Variants in HCN1 observed in about 807,000 individuals in gnomAD.
HCN1 encodes potassium/sodium hyperpolarization-activated cyclic nucleotide-gated channel 1.
In HCN1, 13 loss-of-function variants were observed where a neutral mutation model predicts 78.9. The ratio of observed to expected loss-of-function variants is 0.16; its 90% CI spans 0.11 to 0.26. The LOEUF (loss-of-function observed/expected upper bound fraction) is 0.26, where lower values mean the gene tolerates loss of function less well. Ranked by LOEUF, HCN1 falls within the 10% of genes least tolerant of loss-of-function variation. The pLI is 1.00. For synonymous variants in HCN1, 552 were observed against 455.5 expected, an observed-to-expected ratio of 1.21 and a Z score of -2.70; for missense variants, 810 against 1,154.3, an observed-to-expected ratio of 0.70 and a Z score of 4.32.
intron 4 of HCN1, among the ~76,000 whole-genome samples, chr5:45,364,397 G>A (rs1350435336): frequency 2.0e-5 from 3 of 151,182 alleles, no homozygotes; most frequent in Admixed American, 6.6e-5. Context: ...CACATCAAAC[G>A]CAAAATTGAA....
At chr5:45,531,125 A>G (rs895259670) in intron 2 of HCN1, among the ~76,000 whole-genome samples, 10 of 152,116 alleles carry the variant, frequency 6.6e-5, no homozygotes, top group African/African-American at 2.2e-4. Context: ...TCATGCTTAC[A>G]ATTGTATCAT....
At chr5:45,518,346 C>T (rs1429983969) in intron 2 of HCN1, among the ~76,000 whole-genome samples, 1 of 151,962 alleles carries the variant, frequency 6.6e-6, no homozygotes, top group Non-Finnish European at 1.5e-5. Flanking sequence ...AAACTCATGT[C>T]TCCATCAGTC....
At chr5:45,425,059 C>T (rs1740317579) in intron 3 of HCN1, among the ~76,000 whole-genome samples, 1 of 152,084 alleles carries the variant, frequency 6.6e-6, no homozygotes, top group Non-Finnish European at 1.5e-5. Context: ...ATTACAATTA[C>T]CTAGAATATA....
At chr5:45,671,289 A>C (rs988406577) in intron 1 of HCN1, among the ~76,000 whole-genome samples, 2 of 151,396 alleles carry the variant, frequency 1.3e-5, no homozygotes, top group African/African-American at 4.8e-5. Flanking sequence ...GTTCTCCAGA[A>C]CTTTCCAGCT....
intron 1 of HCN1, among the ~76,000 whole-genome samples, chr5:45,664,913 T>C (rs1338416219): frequency 6.6e-6 from 1 of 151,868 alleles, no homozygotes; most frequent in African/African-American, 2.4e-5. Flanking sequence ...CATCTAGAAC[T>C]AGAAATACCA....
intron 1 of HCN1, among the ~76,000 whole-genome samples, chr5:45,678,013 CAT>C (rs962396822): frequency 1.7e-4 from 19 of 113,814 alleles, no homozygotes; most frequent in African/African-American, 3.7e-4. Context: ...CACACACACA[CAT>C]ACACACACAC....
chr5:45,588,060 C>T (rs1561211728), intron 2 of HCN1, among the ~76,000 whole-genome samples: 1 of 152,140 alleles, frequency 6.6e-6, no homozygotes, highest in Non-Finnish European at 1.5e-5. Flanking sequence ...GTGAGAGATA[C>T]ATTTCTGTCG....
At chr5:45,345,845 C>G (rs1424323132) in intron 5 of HCN1, among the ~76,000 whole-genome samples, 1 of 152,232 alleles carries the variant, frequency 6.6e-6, no homozygotes, top group Non-Finnish European at 1.5e-5. Context: ...TCCACAATTT[C>G]AGGTATCTTT....
intron 6 of HCN1, among the ~76,000 whole-genome samples, chr5:45,295,938 T>C (rs1236088824): frequency 6.6e-6 from 1 of 152,040 alleles, no homozygotes. Flanking sequence ...GTTATTAGAT[T>C]TTAACTGCCT....
At chr5:45,609,141 G>A (rs75290182) in intron 2 of HCN1, among the ~76,000 whole-genome samples, 3,178 of 148,860 alleles carry the variant, frequency 0.021, 107 homozygotes, top group African/African-American at 0.079. Context: ...ATACTGTATC[G>A]ATTTCTTGGA....
intron 2 of HCN1, among the ~76,000 whole-genome samples, chr5:45,466,133 A>G (rs1741266356): frequency 6.6e-6 from 1 of 152,136 alleles, no homozygotes; most frequent in South Asian, 2.1e-4. Flanking sequence ...TTGTTTTTAA[A>G]AGGTCTTTCT....
intron 3 of HCN1, among the ~76,000 whole-genome samples, chr5:45,459,727 A>C (rs1741106008): frequency 6.6e-6 from 1 of 152,118 alleles, no homozygotes; most frequent in Admixed American, 6.6e-5. Flanking sequence ...ATTTTTCTGA[A>C]AGATACATAG....
At chr5:45,500,856 A>T (rs979833152) in intron 2 of HCN1, among the ~76,000 whole-genome samples, 3 of 152,192 alleles carry the variant, frequency 2.0e-5, no homozygotes, top group African/African-American at 7.2e-5. Flanking sequence ...TTGCATGTTA[A>T]TTCTCAGCAA....
chr5:45,494,106 G>T (rs913933187), intron 2 of HCN1, among the ~76,000 whole-genome samples: 2 of 152,082 alleles, frequency 1.3e-5, no homozygotes, highest in Non-Finnish European at 2.9e-5. Flanking sequence ...AGTCCTTTGG[G>T]TATATACCCA....
At chr5:45,371,945 A>AT (rs1561127612) in intron 4 of HCN1, among the ~76,000 whole-genome samples, 4 of 99,520 alleles carry the variant, frequency 4.0e-5, no homozygotes, top group East Asian at 2.6e-4. Flanking sequence ...TATATAATAT[A>AT]TAATATAATA....
rs571052359 is a variant in HCN1, at chr5:45,478,912, A to G, written c.850-16905T>C. ...GCCGAGGCGGGCAGATCATGAGGTCAGAAGTTCAAGACCAGCCTGGCCAAC... is the reference window on the plus strand; with the variant it reads ...GCCGAGGCGGGCAGATCATGAGGTCGGAAGTTCAAGACCAGCCTGGCCAAC... On this transcript the variant is annotated intron_variant, in intron 2 of 7. Coordinates refer to ENST00000303230, the MANE Select transcript of HCN1 (RefSeq NM_021072.4). Among the ~76,000 whole-genome samples, 19 of 152,272 alleles carry G rather than the reference A, an allele frequency of 1.2e-4. 1 individual carries two copies. The South Asian group carries it at 3.1e-3, about 25-fold the overall frequency.
chr5:45,561,564 T>C (rs1362050328), intron 2 of HCN1, among the ~76,000 whole-genome samples: 2 of 151,238 alleles, frequency 1.3e-5, no homozygotes, highest in Admixed American at 1.3e-4. Flanking sequence ...GAAAAGAATT[T>C]GACTGGCCTT....
chr5:45,548,515 A>T (rs1001003968), intron 2 of HCN1, among the ~76,000 whole-genome samples: 10 of 152,202 alleles, frequency 6.6e-5, no homozygotes, highest in African/African-American at 2.2e-4. Flanking sequence ...AGAGCTATCT[A>T]TGACAAACCC....
At chr5:45,345,774 T>C (rs1481523787) in intron 5 of HCN1, among the ~76,000 whole-genome samples, 1 of 152,222 alleles carries the variant, frequency 6.6e-6, no homozygotes, top group Admixed American at 6.5e-5. Context: ...CATTTTACTC[T>C]CTTCTTCTGA....
Sources: allele counts gnomAD v4.1 joint callset (sites outside exome capture counted in the v4.1 genomes callset), GRCh38; gene constraint gnomAD v4.1.1; transcripts MANE v1.5; gene names NCBI Gene and HGNC (gene_info 2026-07-23, HGNC 2026-07-21).